The following CALCOCO2 variants were observed in gnomAD, a reference collection of about 807,000 sequenced individuals.
The protein encoded by CALCOCO2 is calcium binding and coiled-coil domain 2.
A neutral mutation model predicts 62.5 loss-of-function variants in CALCOCO2; 42 were observed. The ratio of observed to expected loss-of-function variants is 0.67; its 90% CI spans 0.53 to 0.87. CALCOCO2 has a LOEUF of 0.87. CALCOCO2 is among the 40% of genes least tolerant of loss of function. The probability of loss-of-function intolerance (pLI) is 0.00; values close to 1 mark genes in which losing one functional copy is unlikely to be tolerated. For missense variants in CALCOCO2, 456 were observed against 515.0 expected, an observed-to-expected ratio of 0.89 and a Z score of 1.11; for synonymous variants, 167 against 173.0, an observed-to-expected ratio of 0.97 and a Z score of 0.27.
chr17:48,856,327 T>TA, intron 10 of CALCOCO2, 140 bp downstream of exon 10: 1 of 567,456 alleles, frequency 1.8e-6, no homozygotes, highest in South Asian at 2.2e-5. Flanking sequence ...AAACGAAGAG[T>TA]AAATTTAATC....
intron 10 of CALCOCO2, chr17:48,856,639 G>GCATTCCTT: frequency 4.5e-6 from 2 of 447,290 alleles, no homozygotes; most frequent in South Asian, 1.6e-5. Context: ...TAAATGCTGT[G>GCATTCCTT]CATTCATTCA....
intron 10 of CALCOCO2, among the ~76,000 whole-genome samples, chr17:48,857,533 C>G (rs1362531914): frequency 1.6e-5 from 1 of 62,622 alleles, no homozygotes; most frequent in Non-Finnish European, 3.3e-5. Flanking sequence ...GACGGAGTCT[C>G]ACTCTGTTGC....
intron 1 of CALCOCO2, chr17:48,831,876 G>A (rs1194469790): frequency 6.6e-6 from 1 of 152,200 alleles, no homozygotes; most frequent in East Asian, 1.9e-4. Context: ...GACTTTATGT[G>A]GTAGGTCTTT....
rs55686005 is a variant in CALCOCO2 at position 48,845,320 on chromosome 17, GGTGTGT to G, written c.181-2719_181-2714del. On this transcript the variant is annotated intron_variant, in intron 2 of 12. Transcript: ENST00000258947. ...CACACTATGCTAGGCCTATGTTGAGGGTGTGTGTGTGTGTGTGTGTGTGTGTGTGTA... is the reference window on the plus strand; with the variant it reads ...CACACTATGCTAGGCCTATGTTGAGGGTGTGTGTGTGTGTGTGTGTGTGTA... 3.4e-4 allele frequency among the ~76,000 whole-genome samples: 47 copies of G among 137,246 alleles called. No individual in the cohort carries two copies. The South Asian group carries it at 9.2e-3, about 27-fold the overall frequency. The allele number at this position is 137,246 out of a possible 152,430, so 90.0% of individuals were successfully genotyped here. A position where few individuals can be genotyped will look rare whatever the true frequency, so the allele number is the denominator to read the frequency against.
At chr17:48,843,571 T>C (rs1047759992) in intron 2 of CALCOCO2, among the ~76,000 whole-genome samples, 1 of 152,206 alleles carries the variant, frequency 6.6e-6, no homozygotes, top group Non-Finnish European at 1.5e-5. Flanking sequence ...GTAACAAGAC[T>C]GGTGTTTGGA....
At position 48,856,111 on chromosome 17, in the gene CALCOCO2, CA is replaced by C; in HGVS notation, c.937del (p.Arg313AspfsTer2). The C allele has an allele frequency of 1.3e-6, 2 of 1,592,398 alleles. No individual in the cohort carries two copies. The highest frequency in any genetic ancestry group is 1.1e-5 in the South Asian group (1 of 89,872). The part of the protein sequence containing the change: ...QELMDENFDL[S>X]KRLSENEIIC... ...TGACAGGATGAAAACTTTGACCTGT[CA>C]AAAAGACTGAGTGAGAACGAAATTA... On this transcript the variant is annotated frameshift_variant, in exon 10 of 13. Coordinates refer to ENST00000258947, the MANE Select transcript of CALCOCO2 (RefSeq NM_005831.5). LOFTEE classifies it high-confidence loss of function.
At chr17:48,837,021 A>G (rs892008384) in intron 1 of CALCOCO2, among the ~76,000 whole-genome samples, 2 of 152,122 alleles carry the variant, frequency 1.3e-5, no homozygotes, top group African/African-American at 4.8e-5. Flanking sequence ...TTGGCCTCCC[A>G]GTGCTGGGAT....
At chr17:48,853,082 A>G in intron 9 of CALCOCO2, 70 bp downstream of exon 9, 6 of 1,025,306 alleles carry the variant, frequency 5.9e-6, no homozygotes, top group Non-Finnish European at 9.2e-6. Flanking sequence ...ATATGGGCCT[A>G]TTTTCCGGTT....
intron 1 of CALCOCO2, among the ~76,000 whole-genome samples, chr17:48,840,286 C>A (rs184249530): frequency 1.3e-5 from 2 of 152,182 alleles, no homozygotes; most frequent in Admixed American, 1.3e-4. Context: ...AGCACCACCA[C>A]GCCCAGCTAA....
intron 2 of CALCOCO2, chr17:48,843,798 C>T (rs1222154935): frequency 6.6e-6 from 1 of 152,220 alleles, no homozygotes; most frequent in African/African-American, 2.4e-5. Context: ...TGTAGCTTCA[C>T]TGTCTAGTAC....
chr17:48,850,959 T>G (rs1187329260), intron 5 of CALCOCO2, 130 bp from the exon 6 acceptor site: 1 of 606,246 alleles, frequency 1.6e-6, no homozygotes, highest in Non-Finnish European at 3.0e-6. Context: ...ATTTGAGTAT[T>G]TCATTTACTG....
chr17:48,862,270 T>C lies in CALCOCO2; in HGVS notation c.1145-6T>C. The C allele has an allele frequency of 1.3e-6, 2 of 1,568,596 alleles. No homozygotes were observed. Among genetic ancestry groups the C allele is most frequent in the Middle Eastern group, 1.7e-4 (1 of 5,958 alleles). ...CATTGAATGAGATCTTTTTTATTCTTTTCAGGTATCCAAGAAAGTTCTTCC... is the reference window on the plus strand; with the variant it reads ...CATTGAATGAGATCTTTTTTATTCTCTTCAGGTATCCAAGAAAGTTCTTCC... On this transcript the variant is annotated splice_polypyrimidine_tract_variant and splice_region_variant and intron_variant, in intron 11 of 12. Coordinates refer to ENST00000258947, the MANE Select transcript of CALCOCO2 (RefSeq NM_005831.5).
At chr17:48,858,724 C>CAAAACAAAGGGA (rs896130802) in intron 10 of CALCOCO2, among the ~76,000 whole-genome samples, 17 of 151,778 alleles carry the variant, frequency 1.1e-4, no homozygotes, top group African/African-American at 2.2e-4. Flanking sequence ...ACACAGTTTG[C>CAAAACAAAGGGA]AAAACAAAGG....
chr17:48,839,696 A>ATTTTTTTTGG (rs1353746616), intron 1 of CALCOCO2, among the ~76,000 whole-genome samples: 1 of 106,802 alleles, frequency 9.4e-6, no homozygotes, highest in South Asian at 3.5e-4. Flanking sequence ...TTTTTTTTTA[A>ATTTTTTTTGG]ACGGAGTTTC....
rs755774644 is a variant in CALCOCO2 at position 48,848,185 on chromosome 17, C to A, written c.283+19C>A. ...TTCAAAGGTGAGAAAAATACTGGAT[C>A]AAAGGTGTTGAAGACAGTAGCCAAG... On this transcript the variant is annotated intron_variant, in intron 3 of 12. Transcript: ENST00000258947. 14 of 1,564,586 alleles carry A rather than the reference C, an allele frequency of 8.9e-6. No homozygotes were observed. The African/African-American group carries it at 1.9e-4, about 21-fold the overall frequency.
At chr17:48,834,270 G>C (rs2143562020) in intron 1 of CALCOCO2, among the ~76,000 whole-genome samples, 1 of 152,182 alleles carries the variant, frequency 6.6e-6, no homozygotes, top group African/African-American at 2.4e-5. Context: ...AGGTTTTCTT[G>C]GAAGCTAGGA....
chr17:48,845,919 C>G (rs567025965), intron 2 of CALCOCO2: 2 of 457,840 alleles, frequency 4.4e-6, no homozygotes, highest in Non-Finnish European at 7.6e-6. Flanking sequence ...GTTTTTCCTC[C>G]TCTACTCTGC....
intron 11 of CALCOCO2, among the ~76,000 whole-genome samples, chr17:48,861,678 A>ATATATATATATATATATATATAC (rs2040330228): frequency 1.2e-5 from 1 of 84,222 alleles, no homozygotes; most frequent in African/African-American, 7.9e-5. Flanking sequence ...TATATATATA[A>ATATATATATATATATATATATAC]AGCCTGTGTG....
intron 10 of CALCOCO2, among the ~76,000 whole-genome samples, chr17:48,856,962 C>T (rs1259439278): frequency 1.5e-5 from 2 of 131,846 alleles, no homozygotes; most frequent in Admixed American, 8.6e-5. Context: ...CCATGCCCGG[C>T]TAATTTTTTT....
Sources: gnomAD v4.1 joint callset for allele counts (sites outside exome capture counted in the v4.1 genomes callset) on GRCh38, gnomAD v4.1.1 for gene constraint, MANE v1.5 for transcripts, NCBI Gene and HGNC (gene_info 2026-07-23, HGNC 2026-07-21) for gene names.